NHSL1: variants seen among roughly 807,000 people sequenced by gnomAD.
The protein encoded by NHSL1 is NHS-like protein 1.
Under a neutral mutation model 95.0 loss-of-function variants are expected in NHSL1, and 48 were observed. The observed-to-expected ratio is 0.51, with a 90% confidence interval of 0.40 to 0.64. The LOEUF is 0.64. Ranked by LOEUF, NHSL1 falls within the 30% of genes least tolerant of loss-of-function variation. The pLI is 0.00. For synonymous variants in NHSL1, 783 were observed against 833.9 expected (o/e 0.94, Z 1.05); for missense variants, 1,971 against 2,077.7 (o/e 0.95, Z 1.00).
chr6:138,656,145 G>A (rs901125654), intron 1 of NHSL1, among the ~76,000 whole-genome samples: 7 of 151,576 alleles, frequency 4.6e-5, no homozygotes, highest in South Asian at 2.1e-4. Flanking sequence ...TCGATGAAAG[G>A]AATGACTTCT....
chr6:138,550,319 A>T (rs995402167), upstream of NHSL1, among the ~76,000 whole-genome samples: 3 of 152,254 alleles, frequency 2.0e-5, no homozygotes, highest in Admixed American at 6.5e-5. Context: ...GAAAAGGCAC[A>T]CTGTTCAAAC....
At chr6:138,624,224 T>C (rs1419564209) in intron 1 of NHSL1, among the ~76,000 whole-genome samples, 2 of 152,182 alleles carry the variant, frequency 1.3e-5, no homozygotes, top group Non-Finnish European at 2.9e-5. Flanking sequence ...CAGGATCACC[T>C]AGACAGCTTG....
chr6:138,644,017 A>AT lies in NHSL1; in HGVS notation c.96+48458_96+48459insA, dbSNP rs1461570897. Reference sequence around the variant, plus strand: ...ATCTAAGATTAAAAAAAAAAAAAAAAGCTAAGCAGCTCAAGTGCCTCTATC... The same window carrying AT: ...ATCTAAGATTAAAAAAAAAAAAAAAATGCTAAGCAGCTCAAGTGCCTCTATC... On this transcript the variant is annotated intron_variant, in intron 1 of 3. Transcript: ENST00000491526. Among the ~76,000 whole-genome samples, 173 of 151,358 alleles carry AT rather than the reference A, an allele frequency of 1.1e-3. 1 individual carries two copies. Among genetic ancestry groups the AT allele is most frequent in the Non-Finnish European group, 1.2e-4 (8 of 67,804 alleles).
Position 138,432,298 on chromosome 6 carries a change from T to G in NHSL1, c.2047A>C (p.Arg683=). 1 of 1,551,562 alleles carries G rather than the reference T, an allele frequency of 6.4e-7. No homozygotes were observed. The highest frequency in any genetic ancestry group is 1.2e-5 in the South Asian group (1 of 84,046). The change falls in exon 6 of 8, where the codon AGG becomes CGG. Residue 683 remains arginine, a synonymous_variant. Transcript: ENST00000343505. The surrounding 1 kb of genome is among the most constrained non-coding windows in gnomAD (Gnocchi z 4.4). The stretch of plus-strand genomic sequence containing the variant: ...CACTGGCTGCTCTTCTTGGGAATCC[T>G]GCGGAGGGAGTCTGTCCGGGAGGGT... ...LPPSRTDSLR[R]IPKKSSQCNG... is the part of the protein sequence containing the mutation.
intron 1 of NHSL1, among the ~76,000 whole-genome samples, chr6:138,529,064 AACC>A (rs1782027622): frequency 6.6e-6 from 1 of 152,204 alleles, no homozygotes; most frequent in African/African-American, 2.4e-5. Flanking sequence ...TATTATTGTT[AACC>A]TCTCCTGCAC....
chr6:138,539,101 A>G (rs985753899), intron 1 of NHSL1, among the ~76,000 whole-genome samples: 2 of 152,246 alleles, frequency 1.3e-5, no homozygotes, highest in Admixed American at 1.3e-4. Flanking sequence ...ACCAGATAGA[A>G]GATGAACACT....
chr6:138,583,645 T>A (rs921391111), intron 1 of NHSL1, among the ~76,000 whole-genome samples: 4 of 152,198 alleles, frequency 2.6e-5, no homozygotes, highest in Non-Finnish European at 1.5e-5. Context: ...ACTAAACTGA[T>A]GTTTGTTAAA....
intron 1 of NHSL1, chr6:138,512,609 T>A: frequency 5.0e-6 from 1 of 198,174 alleles, no homozygotes; most frequent in Non-Finnish European, 1.0e-5. Flanking sequence ...AAATAGCTTC[T>A]TGTATAATTC....
chr6:138,617,472 T>C (rs1001129151), intron 1 of NHSL1, among the ~76,000 whole-genome samples: 3 of 152,182 alleles, frequency 2.0e-5, no homozygotes, highest in African/African-American at 7.2e-5. Context: ...CCCCACTAAT[T>C]CAAAGGCATC....
At chr6:138,611,713 T>A (rs180786846) in intron 1 of NHSL1, among the ~76,000 whole-genome samples, 162 of 151,814 alleles carry the variant, frequency 1.1e-3, no homozygotes, top group African/African-American at 3.8e-3. Context: ...GCCACTGCAC[T>A]CCAGCCTGGG....
In NHSL1 at chr6:138,514,408, C is replaced by T. The variant is rs530789326; in HGVS notation, c.17-18037G>A. On this transcript the variant is annotated intron_variant, in intron 1 of 4. Coordinates refer to the NHSL1 transcript ENST00000342260. ...AGTTCTCCCTTATCCACAAGGAATA[C>T]ACTCTAAGACTTCCAGTGGATGCCT... is the stretch of plus-strand genomic sequence containing the variant. Among the ~76,000 whole-genome samples the T allele has an allele frequency of 4.6e-5, 7 of 152,284 alleles. No individual in the cohort carries two copies. The East Asian group carries it at 1.3e-3, about 29-fold the overall frequency.
At chr6:138,591,251 A>G (rs1456275475) in intron 1 of NHSL1, among the ~76,000 whole-genome samples, 1 of 152,242 alleles carries the variant, frequency 6.6e-6, no homozygotes, top group African/African-American at 2.4e-5. Context: ...AGTTGCAGAA[A>G]AAAGGGATAA....
At chr6:138,617,573 G>A (rs1374554096) in intron 1 of NHSL1, among the ~76,000 whole-genome samples, 1 of 152,186 alleles carries the variant, frequency 6.6e-6, no homozygotes, top group Non-Finnish European at 1.5e-5. Flanking sequence ...AGAACAACAT[G>A]AATCCTTCAT....
At position 138,663,062 on chromosome 6, in the gene NHSL1, C is replaced by CAAAA. The variant is rs10632082; in HGVS notation, c.96+29410_96+29413dup. On this transcript the variant is annotated intron_variant, in intron 1 of 3. Coordinates refer to the NHSL1 transcript ENST00000491526. ...GCAAATATGTTCACCGAACTCACGG[C>CAAAA]AAAAAAAAAAAGAAAAAGAAATATT... 2.0e-4 allele frequency among the ~76,000 whole-genome samples: 25 copies of CAAAA among 126,670 alleles called. 8 individuals carry two copies. The highest frequency in any genetic ancestry group is 3.5e-4 in the Non-Finnish European group (22 of 62,756). 83.1% of individuals were successfully genotyped at this position (126,670 alleles called of 152,430 possible). A position where few individuals can be genotyped will look rare whatever the true frequency, so the allele number is the denominator to read the frequency against.
At chr6:138,625,038 TAATA>T (rs1784717364) in intron 1 of NHSL1, among the ~76,000 whole-genome samples, 2 of 152,172 alleles carry the variant, frequency 1.3e-5, no homozygotes, top group Admixed American at 1.3e-4. Flanking sequence ...TCAACTGTAT[TAATA>T]ATTAAACTAA....
chr6:138,639,641 C>CAAA (rs1225019773), intron 1 of NHSL1, among the ~76,000 whole-genome samples: 5 of 116,242 alleles, frequency 4.3e-5, no homozygotes, highest in African/African-American at 1.5e-4. Context: ...GACTCCGTCT[C>CAAA]AAAAAAAAAA....
intron 1 of NHSL1, among the ~76,000 whole-genome samples, chr6:138,644,753 T>C (rs1784995626): frequency 6.6e-6 from 1 of 152,242 alleles, no homozygotes; most frequent in African/African-American, 2.4e-5. Context: ...TTATTATTTC[T>C]TAATAAAAGT....
chr6:138,503,833 C>A (rs1030143927), upstream of NHSL1, among the ~76,000 whole-genome samples: 1 of 152,068 alleles, frequency 6.6e-6, no homozygotes, highest in African/African-American at 2.4e-5. Context: ...ATCTGCTTTG[C>A]CCCCCAAACT....
In NHSL1 at chr6:138,602,575, C is replaced by G. The variant is rs147970165; in HGVS notation, c.96+89901G>C. Reference sequence around the variant, plus strand: ...CAAGCTGCTCTCGAACTCCTGACCTCTGACGATCCTGCCCATCTCAACTTC... The same window carrying G: ...CAAGCTGCTCTCGAACTCCTGACCTGTGACGATCCTGCCCATCTCAACTTC... On this transcript the variant is annotated intron_variant, in intron 1 of 3. Transcript: ENST00000491526. 1.1e-4 allele frequency among the ~76,000 whole-genome samples: 16 copies of G among 152,298 alleles called. No homozygotes were observed. In the East Asian group the frequency reaches 3.1e-3, roughly 29 times the overall value.
Sources: allele counts gnomAD v4.1 joint callset (sites outside exome capture counted in the v4.1 genomes callset), GRCh38; gene constraint gnomAD v4.1.1; non-coding constraint Gnocchi (gnomAD v3.1); transcripts MANE v1.5; gene names NCBI Gene and HGNC (gene_info 2026-07-23, HGNC 2026-07-21).